The following TBC1D12 variants were observed in gnomAD, a reference collection of about 807,000 sequenced individuals.
The protein encoded by TBC1D12 is TBC1 domain family, member 12.
In TBC1D12, 56 loss-of-function variants were observed where a neutral mutation model predicts 86.7. That is an observed-to-expected ratio of 0.65 (90% CI 0.52 to 0.81). TBC1D12 has a LOEUF of 0.81. Ranked by LOEUF, TBC1D12 falls within the 30% of genes least tolerant of loss-of-function variation. TBC1D12 has a pLI of 0.00. For missense variants in TBC1D12, 1,023 were observed against 1,038.8 expected, an observed-to-expected ratio of 0.98 and a Z score of 0.21; for synonymous variants, 421 against 411.7, an observed-to-expected ratio of 1.02 and a Z score of -0.27.
chr10:94,486,073 A>ATC (rs1464409792), intron 3 of TBC1D12, among the ~76,000 whole-genome samples: 1 of 135,360 alleles, frequency 7.4e-6, no homozygotes, highest in African/African-American at 2.7e-5. Context: ...TGTTTTGTTG[A>ATC]TCTTTTGTAT....
At chr10:94,494,964 C>A (rs1426117865) in intron 4 of TBC1D12, among the ~76,000 whole-genome samples, 1 of 151,504 alleles carries the variant, frequency 6.6e-6, no homozygotes, top group Non-Finnish European at 1.5e-5. Flanking sequence ...TGGGCTCAAG[C>A]AATCCTCCTG....
At chr10:94,500,942 G>C (rs1184589218) in intron 6 of TBC1D12, among the ~76,000 whole-genome samples, 2 of 152,060 alleles carry the variant, frequency 1.3e-5, no homozygotes, top group Non-Finnish European at 2.9e-5. Flanking sequence ...TGTAATCCCA[G>C]CTACTTGGGA....
intron 1 of TBC1D12, among the ~76,000 whole-genome samples, chr10:94,428,592 T>C (rs770782679): frequency 4.0e-5 from 6 of 151,326 alleles, no homozygotes; most frequent in Non-Finnish European, 8.8e-5. Context: ...ATGCCTGGCC[T>C]GTAAGTACAT....
At chr10:94,530,272 A>G (rs879075335) in intron 11 of TBC1D12, among the ~76,000 whole-genome samples, 1 of 152,228 alleles carries the variant, frequency 6.6e-6, no homozygotes, top group Admixed American at 6.5e-5. Flanking sequence ...CACTGGATAA[A>G]GAATTACGTG....
intron 1 of TBC1D12, among the ~76,000 whole-genome samples, chr10:94,424,640 C>A (rs1395508487): frequency 6.6e-6 from 1 of 152,048 alleles, no homozygotes; most frequent in Non-Finnish European, 1.5e-5. Flanking sequence ...AAAGAATAGC[C>A]CTTCAGCAAC....
intron 2 of TBC1D12, among the ~76,000 whole-genome samples, chr10:94,457,913 A>G (rs2055652474): frequency 6.6e-6 from 1 of 152,100 alleles, no homozygotes; most frequent in Non-Finnish European, 1.5e-5. Flanking sequence ...TGTAATGCAA[A>G]TACCTTATAA....
intron 11 of TBC1D12, among the ~76,000 whole-genome samples, chr10:94,523,692 G>A (rs1400514118): frequency 1.3e-5 from 2 of 152,148 alleles, no homozygotes; most frequent in East Asian, 1.9e-4. Context: ...GCCAAGTGCA[G>A]TGGCTGACGC....
At chr10:94,497,201 C>T (rs766498651) in intron 5 of TBC1D12, 29 bp downstream of exon 5, 9 of 1,290,842 alleles carry the variant, frequency 7.0e-6, no homozygotes, top group African/African-American at 3.1e-5. Flanking sequence ...CCTAAATTCC[C>T]ATTTGTCTCC....
At chr10:94,513,165 T>G (rs2056546316) in intron 9 of TBC1D12, among the ~76,000 whole-genome samples, 1 of 150,910 alleles carries the variant, frequency 6.6e-6, no homozygotes, top group South Asian at 2.1e-4. Flanking sequence ...GAGAATCGCT[T>G]GAATCTGGGA....
At chr10:94,524,342 A>T (rs11596735) in intron 11 of TBC1D12, among the ~76,000 whole-genome samples, 1 of 152,212 alleles carries the variant, frequency 6.6e-6, no homozygotes, top group Admixed American at 6.5e-5. Flanking sequence ...AAGATGCAAA[A>T]TGTGGTTTAG....
At chr10:94,524,231 G>T (rs1423394056) in intron 11 of TBC1D12, among the ~76,000 whole-genome samples, 5 of 152,156 alleles carry the variant, frequency 3.3e-5, no homozygotes, top group Admixed American at 3.3e-4. Flanking sequence ...AGACTCACAA[G>T]GGGAGATTTT....
Position 94,423,819 on chromosome 10 carries a change from A to G in TBC1D12, c.972-18077A>G, listed in dbSNP as rs78392115. Among the ~76,000 whole-genome samples, 375 of 152,270 alleles carry G rather than the reference A, an allele frequency of 2.5e-3. 9 individuals are homozygous for G. In the East Asian group the frequency reaches 0.059, roughly 24 times the overall value. On this transcript the variant is annotated intron_variant, in intron 1 of 12. Coordinates refer to ENST00000225235, the MANE Select transcript of TBC1D12 (RefSeq NM_015188.2). ...ACTACAAAAATAGCCACTCTGGGCT[A>G]CTGTTTCAGAGAAGGAATGGCAGAG...
At chr10:94,514,931 G>A (rs1470275206) in intron 9 of TBC1D12, among the ~76,000 whole-genome samples, 11 of 127,744 alleles carry the variant, frequency 8.6e-5, no homozygotes, top group South Asian at 5.1e-4. Flanking sequence ...TTTTTGAGAC[G>A]GAGTCTCACT....
intron 1 of TBC1D12, among the ~76,000 whole-genome samples, chr10:94,430,084 T>C (rs1317146970): frequency 6.6e-6 from 1 of 152,036 alleles, no homozygotes; most frequent in Non-Finnish European, 1.5e-5. Context: ...ATAGATGGTG[T>C]CTTGCTATGT....
At chr10:94,496,408 C>G (rs2056321993) in intron 4 of TBC1D12, among the ~76,000 whole-genome samples, 1 of 151,954 alleles carries the variant, frequency 6.6e-6, no homozygotes, top group African/African-American at 2.4e-5. Flanking sequence ...TTTAAAATTT[C>G]AAACTAGTAA....
At chr10:94,470,969 C>T (rs909153351) in intron 2 of TBC1D12, among the ~76,000 whole-genome samples, 3 of 151,922 alleles carry the variant, frequency 2.0e-5, no homozygotes, top group Admixed American at 1.3e-4. Context: ...GTTTGAGTGA[C>T]GATTCTGTAC....
In TBC1D12 at chr10:94,474,584, C is replaced by G; in HGVS notation, c.1096-84C>G. ...GAATTGTATGTATCCCTCATTATAG[C>G]ATAATATTTTTAATGATACAGATTT... On this transcript the variant is annotated intron_variant, in intron 2 of 12. Transcript: ENST00000225235. The G allele has an allele frequency of 3.2e-6, 3 of 939,342 alleles. No individual in the cohort carries two copies. In the East Asian group the frequency reaches 7.5e-5, roughly 23 times the overall value. 58.2% of individuals were successfully genotyped at this position (939,342 alleles called of 1,614,324 possible).
At chr10:94,470,509 G>T (rs1018528087) in intron 2 of TBC1D12, among the ~76,000 whole-genome samples, 1 of 151,756 alleles carries the variant, frequency 6.6e-6, no homozygotes, top group Non-Finnish European at 1.5e-5. Context: ...GACTAGAGGC[G>T]CATGCCACCA....
At chr10:94,422,684 C>G (rs1454883637) in intron 1 of TBC1D12, among the ~76,000 whole-genome samples, 1 of 152,126 alleles carries the variant, frequency 6.6e-6, no homozygotes, top group South Asian at 2.1e-4. Flanking sequence ...AAGCAGTCTT[C>G]TTGCCTTAGC....
Sources: allele counts gnomAD v4.1 joint callset (sites outside exome capture counted in the v4.1 genomes callset), GRCh38; gene constraint gnomAD v4.1.1; transcripts MANE v1.5; gene names NCBI Gene and HGNC (gene_info 2026-07-23, HGNC 2026-07-21).